The following CUX1 variants were observed in gnomAD, a reference collection of about 807,000 sequenced individuals.
CUX1 encodes protein CASP.
Under a neutral mutation model 158.8 loss-of-function variants are expected in CUX1, and 31 were observed. The ratio of observed to expected loss-of-function variants is 0.20; its 90% CI spans 0.15 to 0.26. The LOEUF (loss-of-function observed/expected upper bound fraction) is 0.26. Ranked by LOEUF, CUX1 falls within the 10% of genes least tolerant of loss-of-function variation. The pLI is 1.00. For synonymous variants in CUX1, 879 were observed against 862.1 expected (o/e 1.02, Z -0.34); for missense variants, 1,589 against 2,014.6 (o/e 0.79, Z 4.04).
At chr7:102,207,891 G>C (rs1796115020) in intron 20 of CUX1, among the ~76,000 whole-genome samples, 2 of 151,920 alleles carry the variant, frequency 1.3e-5, no homozygotes, top group African/African-American at 4.8e-5. Context: ...ACTATCAGAG[G>C]TTACTTTTCA....
At chr7:102,207,591 A>T (rs192612127) in intron 20 of CUX1, among the ~76,000 whole-genome samples, 35 of 152,144 alleles carry the variant, frequency 2.3e-4, no homozygotes, top group African/African-American at 7.7e-4. Flanking sequence ...AGCTGGGAAT[A>T]CAGGTACCCA....
At chr7:101,820,698 G>A (rs150503206) in intron 1 of CUX1, among the ~76,000 whole-genome samples, 1 of 152,142 alleles carries the variant, frequency 6.6e-6, no homozygotes, top group African/African-American at 2.4e-5. Context: ...CCCTGCCTCC[G>A]ATTGTTTAAA....
At chr7:102,200,239 G>T in intron 17 of CUX1, 67 bp downstream of exon 17, 1 of 1,317,296 alleles carries the variant, frequency 7.6e-7, no homozygotes, top group Non-Finnish European at 1.1e-6. Context: ...GAGTGCTCTG[G>T]TCAGCAGTAA....
At chr7:102,149,400 C>A (rs184554398) in intron 8 of CUX1, among the ~76,000 whole-genome samples, 1 of 19,108 alleles carries the variant, frequency 5.2e-5, no homozygotes, top group Non-Finnish European at 9.7e-5. Context: ...GGGGTCCCTG[C>A]CCACCCACCC....
In CUX1 at chr7:102,255,113, C is replaced by T. The variant is rs562991867; in HGVS notation, c.*6071C>T. On this transcript the variant is annotated 3_prime_UTR_variant, in exon 24 of 24. Transcript: ENST00000292535. ...GTCTTCCCAATCCCAGAGGCCCCGGCGGCCTGTGCTCCTCACCACCCTGGT... is the reference window on the plus strand; with the variant it reads ...GTCTTCCCAATCCCAGAGGCCCCGGTGGCCTGTGCTCCTCACCACCCTGGT... 8 of 985,378 alleles carry T rather than the reference C, an allele frequency of 8.1e-6. No homozygotes were observed. The highest frequency in any genetic ancestry group is 1.7e-5 in the African/African-American group (1 of 57,320). The allele number at this position is 985,378 out of a possible 1,614,324, so 61.0% of individuals were successfully genotyped here.
Position 102,196,693 on chromosome 7 carries a change from G to GC in CUX1, c.1289dup (p.Pro431SerfsTer16), listed in dbSNP as rs782381199. ...AAGTCGGCGCCCGGGATCTTTGCCG[G>GC]CCCCCCCTCCTTCTCAGTTGCCCCG... On this transcript the variant is annotated frameshift_variant, in exon 15 of 24. Coordinates refer to ENST00000292535, the MANE Select transcript of CUX1 (RefSeq NM_181552.4). LOFTEE classifies it high-confidence loss of function. 4 of 1,603,524 alleles carry GC rather than the reference G, an allele frequency of 2.5e-6. No individual in the cohort carries two copies. The highest frequency in any genetic ancestry group is 8.5e-7 in the Non-Finnish European group (1 of 1,174,250).
intron 1 of CUX1, chr7:101,913,134 G>T (rs921945325): frequency 4.5e-6 from 1 of 221,064 alleles, no homozygotes; most frequent in Non-Finnish European, 9.5e-6. Context: ...TGGTTTTTAT[G>T]TGTGTGTGTG....
chr7:102,099,106 G>A (rs1364347578), intron 5 of CUX1, among the ~76,000 whole-genome samples: 1 of 152,164 alleles, frequency 6.6e-6, no homozygotes, highest in African/African-American at 2.4e-5. Context: ...TGTGAGGGCG[G>A]CGGTGCCTAA....
chr7:102,098,848 A>C (rs1368760118), intron 5 of CUX1, among the ~76,000 whole-genome samples: 1 of 109,744 alleles, frequency 9.1e-6, no homozygotes. Flanking sequence ...TTAAGTAGAG[A>C]CGGGATTTCA....
intron 2 of CUX1, among the ~76,000 whole-genome samples, chr7:101,973,979 A>G (rs968103048): frequency 4.0e-5 from 6 of 151,752 alleles, no homozygotes; most frequent in African/African-American, 1.5e-4. Context: ...TATGTTGGCC[A>G]GGCTGGTCTG....
chr7:102,009,435 G>C (rs1817745061), intron 2 of CUX1, among the ~76,000 whole-genome samples: 1 of 152,250 alleles, frequency 6.6e-6, no homozygotes, highest in East Asian at 1.9e-4. Flanking sequence ...GAAGGCCAAA[G>C]AAATTGCTCA....
chr7:102,147,202 T>G (rs1349185868), intron 8 of CUX1, among the ~76,000 whole-genome samples: 1 of 152,116 alleles, frequency 6.6e-6, no homozygotes, highest in Non-Finnish European at 1.5e-5. Flanking sequence ...GGCTTCATCC[T>G]CCCCTCTACT....
chr7:102,213,815 C>G (rs1197590377), intron 20 of CUX1, among the ~76,000 whole-genome samples: 1 of 152,156 alleles, frequency 6.6e-6, no homozygotes, highest in Non-Finnish European at 1.5e-5. Flanking sequence ...GTGCCACTCA[C>G]AGAGCTGATG....
intron 17 of CUX1, among the ~76,000 whole-genome samples, chr7:102,276,609 A>G (rs1480473119): frequency 5.9e-5 from 9 of 152,202 alleles, no homozygotes; most frequent in African/African-American, 2.2e-4. Context: ...CCACTGCTTG[A>G]ATTTTGAATA....
chr7:102,098,806 A>G (rs904759730), intron 5 of CUX1, among the ~76,000 whole-genome samples: 1 of 108,606 alleles, frequency 9.2e-6, no homozygotes, highest in Non-Finnish European at 1.8e-5. Flanking sequence ...ACGCCCAACT[A>G]ATTTTTTTTT....
At chr7:102,219,688 A>G (rs437060) in intron 20 of CUX1, among the ~76,000 whole-genome samples, 95,497 of 152,108 alleles carry the variant, frequency 0.63, 30,353 homozygotes, top group East Asian at 0.94. Flanking sequence ...TGTTTCTTTC[A>G]TGGTAAGGAA....
chr7:101,906,459 G>C (rs1391087458), intron 1 of CUX1, among the ~76,000 whole-genome samples: 2 of 151,974 alleles, frequency 1.3e-5, no homozygotes, highest in Non-Finnish European at 2.9e-5. Context: ...AGGGGACCCT[G>C]TTCTCTGGGG....
At chr7:101,993,966 T>C (rs202159) in intron 2 of CUX1, among the ~76,000 whole-genome samples, 115,276 of 152,166 alleles carry the variant, frequency 0.76, 44,032 homozygotes, top group East Asian at 0.99. Flanking sequence ...TCCATCTGCC[T>C]GGCTGCCATT....
intron 21 of CUX1, among the ~76,000 whole-genome samples, chr7:102,228,334 G>A (rs1798569522): frequency 6.6e-6 from 1 of 151,952 alleles, no homozygotes; most frequent in African/African-American, 2.4e-5. Context: ...GACCAGCCTG[G>A]GCCACATAGC....
Sources: allele counts gnomAD v4.1 joint callset (sites outside exome capture counted in the v4.1 genomes callset), GRCh38; gene constraint gnomAD v4.1.1; transcripts MANE v1.5; gene names NCBI Gene and HGNC (gene_info 2026-07-23, HGNC 2026-07-21).